Variants in GDPD1 observed in about 807,000 individuals in gnomAD.
GDPD1 encodes glycerophosphodiester phosphodiesterase domain containing 1.
In GDPD1, 28 loss-of-function variants were observed where a neutral mutation model predicts 45.1. That is an observed-to-expected ratio of 0.62 (90% CI 0.46 to 0.85). The LOEUF is 0.85. GDPD1 is among the 40% of genes least tolerant of loss of function. GDPD1 has a pLI of 0.00. For synonymous variants in GDPD1, 139 were observed against 131.4 expected (o/e 1.06, Z -0.40); for missense variants, 256 against 364.8 (o/e 0.70, Z 2.43).
intron 6 of GDPD1, among the ~76,000 whole-genome samples, chr17:59,261,913 C>CTTTTTTTTTTTTTTTTTTTTTTTTTTTTT (rs58058526): frequency 1.3e-5 from 1 of 79,350 alleles, no homozygotes; most frequent in Non-Finnish European, 2.2e-5. Context: ...AGATTACAGG[C>CTTTTTTTTTTTTTTTTTTTTTTTTTTTTT]TTTTTTTTTT....
At chr17:59,222,728 T>A (rs2047016189) in intron 1 of GDPD1, among the ~76,000 whole-genome samples, 1 of 151,872 alleles carries the variant, frequency 6.6e-6, no homozygotes, top group African/African-American at 2.4e-5. Context: ...TTGGCCAGGC[T>A]GATCTCAAAC....
chr17:59,254,010 C>T (rs2047276246), intron 4 of GDPD1, among the ~76,000 whole-genome samples: 1 of 148,080 alleles, frequency 6.8e-6, no homozygotes, highest in African/African-American at 2.5e-5. Flanking sequence ...CCCTTGAGGC[C>T]AAGAATTCAA....
chr17:59,231,800 C>A (rs1168608501), intron 1 of GDPD1, among the ~76,000 whole-genome samples: 1 of 151,990 alleles, frequency 6.6e-6, no homozygotes, highest in African/African-American at 2.4e-5. Context: ...TTGTTTCATG[C>A]ATAAAATTAT....
At chr17:59,270,564 C>T (rs1022499020) in intron 7 of GDPD1, among the ~76,000 whole-genome samples, 2 of 151,874 alleles carry the variant, frequency 1.3e-5, no homozygotes, top group South Asian at 4.1e-4. Flanking sequence ...AATACAGTTC[C>T]GTTGTATGTT....
chr17:59,246,486 A>G (rs997096615), intron 3 of GDPD1, among the ~76,000 whole-genome samples: 2 of 151,834 alleles, frequency 1.3e-5, no homozygotes, highest in African/African-American at 4.8e-5. Flanking sequence ...GGGCAGACAG[A>G]TCACCTGAGG....
At chr17:59,229,886 AGACT>A (rs1229998351) in intron 1 of GDPD1, among the ~76,000 whole-genome samples, 3 of 152,146 alleles carry the variant, frequency 2.0e-5, no homozygotes, top group Non-Finnish European at 4.4e-5. Flanking sequence ...GCACATGTTC[AGACT>A]GATCACACCA....
chr17:59,260,693 T>C (rs772612335), intron 6 of GDPD1: 11 of 152,178 alleles, frequency 7.2e-5, no homozygotes, highest in Non-Finnish European at 1.5e-4. Context: ...ATCTGTAATA[T>C]AGAAGAAATA....
In GDPD1 at chr17:59,274,137, T is replaced by A. The variant is rs1278085182; in HGVS notation, c.*364T>A. 2 of 819,202 alleles carry A rather than the reference T, an allele frequency of 2.4e-6. No homozygotes were observed. Among genetic ancestry groups the A allele is most frequent in the African/African-American group, 3.7e-5 (2 of 53,478 alleles). 50.7% of individuals were successfully genotyped at this position (819,202 alleles called of 1,614,324 possible). A position where few individuals can be genotyped will look rare whatever the true frequency, so the allele number is the denominator to read the frequency against. ...CTTGATCAATAACCTAGAAACTAGG[T>A]TATCTAGGTTATTGATCAAGATTTC... On this transcript the variant is annotated 3_prime_UTR_variant, in exon 10 of 10. Transcript: ENST00000284116.
chr17:59,257,650 TTCA>T, intron 5 of GDPD1, 98 bp from the exon 6 acceptor site: 1 of 730,272 alleles, frequency 1.4e-6, no homozygotes, highest in South Asian at 1.7e-5. Context: ...AGTTATGCTA[TTCA>T]TTCACAGATA....
intron 1 of GDPD1, among the ~76,000 whole-genome samples, chr17:59,233,558 G>GAC (rs1372087187): frequency 1.3e-5 from 2 of 151,008 alleles, no homozygotes; most frequent in Non-Finnish European, 3.0e-5. Flanking sequence ...AAAACAATGA[G>GAC]ACAGGTGGAG....
At chr17:59,231,860 T>G (rs991173676) in intron 1 of GDPD1, among the ~76,000 whole-genome samples, 3 of 152,112 alleles carry the variant, frequency 2.0e-5, no homozygotes, top group Admixed American at 2.0e-4. Flanking sequence ...ACTCCTGGGC[T>G]CAAGCGATCT....
chr17:59,271,035 A>G (rs1375211270), intron 8 of GDPD1, 40 bp downstream of exon 8: 1 of 1,219,668 alleles, frequency 8.2e-7, no homozygotes. Context: ...TTATTGCTTC[A>G]GCTATATTTA....
intron 4 of GDPD1, among the ~76,000 whole-genome samples, chr17:59,255,839 AT>A (rs2047301468): frequency 1.1e-5 from 1 of 92,230 alleles, no homozygotes; most frequent in African/African-American, 6.8e-5. Flanking sequence ...GCGTATATAT[AT>A]ATATATATAT....
intron 7 of GDPD1, among the ~76,000 whole-genome samples, chr17:59,268,578 C>CA (rs1176390251): frequency 0.021 from 748 of 35,112 alleles, 109 homozygotes; most frequent in South Asian, 0.03. Flanking sequence ...GACTCTGTCT[C>CA]AAAAAAAAAA....
chr17:59,255,781 ATATACGCGTATATATG>A (rs1251767933), intron 4 of GDPD1, among the ~76,000 whole-genome samples: 20 of 77,642 alleles, frequency 2.6e-4, no homozygotes, highest in East Asian at 3.4e-4. Context: ...ATATATATAT[ATATACGCGTATATATG>A]TATATATATA....
At chr17:59,241,208 A>G (rs1287140054) in intron 2 of GDPD1, among the ~76,000 whole-genome samples, 4 of 152,250 alleles carry the variant, frequency 2.6e-5, no homozygotes, top group African/African-American at 9.6e-5. Flanking sequence ...TAAGTGGTGC[A>G]TGACTTTATA....
chr17:59,257,410 A>G (rs1363521504), intron 5 of GDPD1, among the ~76,000 whole-genome samples, 170 bp downstream of exon 5: 2 of 152,170 alleles, frequency 1.3e-5, no homozygotes, highest in Non-Finnish European at 2.9e-5. Flanking sequence ...ACTGTAGGAG[A>G]GAGCCTATTT....
In GDPD1 at chr17:59,255,795, ATG is replaced by A. The variant is rs1491407976; in HGVS notation, c.368-1325_368-1324del. Reference sequence around the variant, plus strand: ...TATATATATATATATACGCGTATATATGTATATATATATATACGCGTATATAT... The same window carrying A: ...TATATATATATATATACGCGTATATATATATATATATATACGCGTATATAT... On this transcript the variant is annotated intron_variant, in intron 4 of 9. Coordinates refer to ENST00000284116, the MANE Select transcript of GDPD1 (RefSeq NM_182569.4). 6.0e-4 allele frequency among the ~76,000 whole-genome samples: 38 copies of A among 63,020 alleles called. 3 individuals are homozygous for A. The highest frequency in any genetic ancestry group is 3.2e-3 in the African/African-American group (29 of 9,206). The allele number at this position is 63,020 out of a possible 152,430, so 41.3% of individuals were successfully genotyped here. A position where few individuals can be genotyped will look rare whatever the true frequency, so the allele number is the denominator to read the frequency against.
In GDPD1 at chr17:59,273,641, T is replaced by C; in HGVS notation, c.823-10T>C. On this transcript the variant is annotated splice_polypyrimidine_tract_variant and intron_variant, in intron 9 of 9. Transcript: ENST00000284116. The stretch of plus-strand genomic sequence containing the variant: ...TTTCTTCTCATACTTCTCACACTTC[T>C]AATTTTCAGGTGTATATTTGGGTAT... The C allele has an allele frequency of 7.0e-7, 1 of 1,428,626 alleles. No individual in the cohort carries two copies. 88.5% of individuals were successfully genotyped at this position (1,428,626 alleles called of 1,614,324 possible).
Sources: allele counts gnomAD v4.1 joint callset (sites outside exome capture counted in the v4.1 genomes callset), GRCh38; gene constraint gnomAD v4.1.1; transcripts MANE v1.5; gene names NCBI Gene and HGNC (gene_info 2026-07-23, HGNC 2026-07-21).